The following CSNK1A1 variants were observed in gnomAD, a reference collection of about 807,000 sequenced individuals.
CSNK1A1 encodes casein kinase 1 alpha 1.
A neutral mutation model predicts 46.1 loss-of-function variants in CSNK1A1; 7 were observed. The observed-to-expected ratio is 0.15, with a 90% CI of 0.09 to 0.29. The LOEUF is 0.29. CSNK1A1 is among the 10% of genes least tolerant of loss of function. The pLI, the probability that CSNK1A1 is intolerant of heterozygous loss-of-function variation, is 1.00. For synonymous variants in CSNK1A1, 137 were observed against 141.5 expected, an observed-to-expected ratio of 0.97 and a Z score of 0.23; for missense variants, 96 against 417.1, an observed-to-expected ratio of 0.23 and a Z score of 6.71.
At chr5:149,506,292 A>G (rs116729125) in intron 8 of CSNK1A1, among the ~76,000 whole-genome samples, 4,022 of 151,938 alleles carry the variant, frequency 0.026, 176 homozygotes, top group African/African-American at 0.093. Flanking sequence ...GTTGGAGTGC[A>G]CTGGGGGGAT....
chr5:149,502,534 T>TG (rs1223054948), intron 9 of CSNK1A1: 10 of 23,484 alleles, frequency 4.3e-4, no homozygotes, highest in African/African-American at 1.3e-3. Context: ...GGGGGGGGGG[T>TG]TGGGGACGAT....
At chr5:149,509,849 AT>A in intron 7 of CSNK1A1, 29 bp downstream of exon 7, 3 of 1,554,822 alleles carry the variant, frequency 1.9e-6, no homozygotes, top group Admixed American at 1.7e-5. Context: ...CTTCATTTAT[AT>A]TTTTTTAATA....
At chr5:149,542,604 AT>A (rs1762278881) in intron 2 of CSNK1A1, among the ~76,000 whole-genome samples, 2 of 6,888 alleles carry the variant, frequency 2.9e-4, no homozygotes, top group African/African-American at 2.3e-3. Flanking sequence ...ATATATATAT[AT>A]ATATATATAT....
intron 2 of CSNK1A1, chr5:149,529,745 C>G (rs762078649): frequency 4.4e-6 from 2 of 456,170 alleles, no homozygotes; most frequent in South Asian, 3.1e-5. Flanking sequence ...TGAACTATTA[C>G]TACAGTTTGT....
chr5:149,529,854 C>G, intron 2 of CSNK1A1: 1 of 396,012 alleles, frequency 2.5e-6, no homozygotes, highest in South Asian at 1.8e-5. Context: ...ACATGGTTAC[C>G]AATTAGGAAG....
At chr5:149,510,049 G>A (rs1761167427) in intron 6 of CSNK1A1, 96 bp from the exon 7 acceptor site, 2 of 737,744 alleles carry the variant, frequency 2.7e-6, no homozygotes, top group Admixed American at 3.2e-5. Flanking sequence ...ATACCTGTGA[G>A]ATTCAAGAGA....
At position 149,513,001 on chromosome 5, in the gene CSNK1A1, A is replaced by C. The variant is rs1761278956; in HGVS notation, c.596+69T>G. Reference sequence around the variant, plus strand: ...CATCCTTAGACATTGTAAGAAACTAAAATATTTCAAAAACCCATTGATGGC... The same window carrying C: ...CATCCTTAGACATTGTAAGAAACTACAATATTTCAAAAACCCATTGATGGC... On this transcript the variant is annotated intron_variant, in intron 5 of 9. Coordinates refer to ENST00000377843, the MANE Select transcript of CSNK1A1 (RefSeq NM_001892.6). 3.2e-6 allele frequency: 5 copies of C among 1,570,328 alleles called. No homozygotes were observed. The African/African-American group carries it at 5.5e-5, about 17-fold the overall frequency.
chr5:149,498,169 T>C (rs1760716320), intron 9 of CSNK1A1: 4 of 985,226 alleles, frequency 4.1e-6, no homozygotes, highest in Admixed American at 6.1e-5. Flanking sequence ...CCATCTCCCA[T>C]GGGCTTTGTG....
intron 9 of CSNK1A1, chr5:149,503,925 C>T (rs1339000170): frequency 2.0e-6 from 2 of 985,292 alleles, no homozygotes; most frequent in African/African-American, 1.7e-5. Flanking sequence ...AAATTGGTTT[C>T]ATTTTGTGAG....
At chr5:149,534,717 G>C (rs1432041049) in intron 2 of CSNK1A1, among the ~76,000 whole-genome samples, 1 of 151,770 alleles carries the variant, frequency 6.6e-6, no homozygotes, top group African/African-American at 2.4e-5. Context: ...GATCACTTGA[G>C]CTCAGGTGGT....
At chr5:149,520,718 A>G (rs1472248443) in intron 3 of CSNK1A1, among the ~76,000 whole-genome samples, 1 of 152,200 alleles carries the variant, frequency 6.6e-6, no homozygotes, top group Non-Finnish European at 1.5e-5. Flanking sequence ...AAGGAAATAA[A>G]ATAAAAACTT....
rs1197463696 is a variant in CSNK1A1, at chr5:149,493,936, G to GA, written c.*2916dup. On this transcript the variant is annotated 3_prime_UTR_variant, in exon 10 of 10. Coordinates refer to ENST00000377843, the MANE Select transcript of CSNK1A1 (RefSeq NM_001892.6). ...GAACCAGACTGTTCCAGACTAGTTG[G>GA]AAAACGACCCAGGAACTCACCTGCA... 2 of 152,174 alleles carry GA rather than the reference G, an allele frequency of 1.3e-5. No homozygotes were observed. Among genetic ancestry groups the GA allele is most frequent in the Non-Finnish European group, 2.9e-5 (2 of 68,038 alleles). The allele number at this position is 152,174 out of a possible 1,614,324, so 9.4% of individuals were successfully genotyped here.
intron 9 of CSNK1A1, chr5:149,497,456 T>G: frequency 1.0e-6 from 1 of 986,164 alleles, no homozygotes; most frequent in Non-Finnish European, 1.2e-6. Context: ...AAGCAAGTGA[T>G]GCTTTTTTGG....
chr5:149,522,280 T>C (rs771788987), intron 3 of CSNK1A1, among the ~76,000 whole-genome samples: 2 of 151,996 alleles, frequency 1.3e-5, no homozygotes, highest in African/African-American at 2.4e-5. Context: ...CAGCTAATTT[T>C]TGTATTTTTT....
chr5:149,513,775 C>G (rs1412305123), intron 4 of CSNK1A1, among the ~76,000 whole-genome samples: 1 of 152,036 alleles, frequency 6.6e-6, no homozygotes, highest in Non-Finnish European at 1.5e-5. Flanking sequence ...TGGCACATGC[C>G]TGTAGTCCCA....
chr5:149,504,219 T>A, intron 9 of CSNK1A1: 1 of 985,430 alleles, frequency 1.0e-6, no homozygotes. Context: ...ACCTTCAACT[T>A]TGAATCCTTC....
chr5:149,531,756 A>C (rs1455867705), intron 2 of CSNK1A1, among the ~76,000 whole-genome samples: 1 of 151,024 alleles, frequency 6.6e-6, no homozygotes, highest in Non-Finnish European at 1.5e-5. Flanking sequence ...CTGTAATCCC[A>C]GCTACTCAGG....
intron 2 of CSNK1A1, among the ~76,000 whole-genome samples, chr5:149,535,735 AGATTCAAGC>A (rs1405269215): frequency 2.0e-5 from 3 of 152,230 alleles, no homozygotes; most frequent in Non-Finnish European, 4.4e-5. Context: ...TCTGCCTCCC[AGATTCAAGC>A]GATTCTCCTG....
chr5:149,511,610 A>C (rs1761226318), intron 6 of CSNK1A1, among the ~76,000 whole-genome samples, 184 bp downstream of exon 6: 1 of 152,190 alleles, frequency 6.6e-6, no homozygotes, highest in South Asian at 2.1e-4. Context: ...CAGCTGAACT[A>C]AGTTCTTACT....
Sources: gnomAD v4.1 joint callset for allele counts (sites outside exome capture counted in the v4.1 genomes callset) on GRCh38, gnomAD v4.1.1 for gene constraint, MANE v1.5 for transcripts, NCBI Gene and HGNC (gene_info 2026-07-23, HGNC 2026-07-21) for gene names.